NEK7: variants seen among roughly 807,000 people sequenced by gnomAD.
NEK7 encodes the protein serine/threonine-protein kinase Nek7.
In NEK7, 18 loss-of-function variants were observed where a neutral mutation model predicts 44.6. That is an observed-to-expected ratio of 0.40 (90% CI 0.28 to 0.60). The LOEUF is 0.60. Among genes scored for constraint, NEK7 ranks in the 20% least tolerant of loss-of-function variants. The probability of loss-of-function intolerance (pLI) is 0.38; values close to 1 mark genes in which losing one functional copy is unlikely to be tolerated. For missense variants in NEK7, 256 were observed against 366.5 expected, an observed-to-expected ratio of 0.70 and a Z score of 2.46; for synonymous variants, 130 against 121.1, an observed-to-expected ratio of 1.07 and a Z score of -0.48.
Position 198,253,050 on chromosome 1 carries a change from G to T in NEK7, c.68G>T (p.Arg23Leu), listed in dbSNP as rs1013083415. 3 of 1,604,896 alleles carry T rather than the reference G, an allele frequency of 1.9e-6. No individual in the cohort carries two copies. The highest frequency in any genetic ancestry group is 1.7e-5 in the Admixed American group (1 of 58,548). The change falls in exon 3 of 10, where the codon CGA becomes CTA. Residue 23 changes from arginine to leucine, a missense_variant. This residue lies in a region of NEK7 where 96 missense variants were observed against 94.9 expected (regional missense o/e 1.01). Coordinates refer to ENST00000367385, the MANE Select transcript of NEK7 (RefSeq NM_133494.3). ...VPQFQPQKALRPDMGYNTLAN... is the reference protein window; with the variant it reads ...VPQFQPQKALLPDMGYNTLAN... ...CATTTTTAATTACAGAAGGCCTTAC[G>T]ACCGGATATGGGCTATAATACATTA...
rs71569584 is a variant in NEK7 at position 198,217,415 on chromosome 1, C to CAAAT, written c.-28-15138_-28-15137insAAAT. ...ATCTCCTTATGATAAAAACCCTCAA[C>CAAAT]TAGGCATAAAGAAACATACCTCAAA... is the stretch of plus-strand genomic sequence containing the variant. On this transcript the variant is annotated intron_variant, in intron 1 of 9. Coordinates refer to ENST00000367385, the MANE Select transcript of NEK7 (RefSeq NM_133494.3). Among the ~76,000 whole-genome samples, 74 of 151,646 alleles carry CAAAT rather than the reference C, an allele frequency of 4.9e-4. 1 individual carries two copies. The highest frequency in any genetic ancestry group is 1.6e-3 in the African/African-American group (66 of 41,394).
chr1:198,196,548 A>G (rs993851261), intron 1 of NEK7, among the ~76,000 whole-genome samples: 4 of 152,202 alleles, frequency 2.6e-5, no homozygotes, highest in African/African-American at 9.6e-5. Context: ...TTTTTCTCAC[A>G]TAATGAGAAA....
chr1:198,310,757 G>A (rs180836522), intron 9 of NEK7, among the ~76,000 whole-genome samples: 6 of 151,946 alleles, frequency 3.9e-5, no homozygotes, highest in Non-Finnish European at 8.8e-5. Flanking sequence ...GTAGATACGT[G>A]GCATTATTTC....
At chr1:198,184,084 T>G (rs564236584) in intron 1 of NEK7, among the ~76,000 whole-genome samples, 16 of 152,318 alleles carry the variant, frequency 1.1e-4, no homozygotes, top group Middle Eastern at 3.4e-3. Context: ...TATAATGAGA[T>G]TTGTACATGC....
chr1:198,168,998 T>C (rs1305542922), intron 1 of NEK7, among the ~76,000 whole-genome samples: 1 of 152,238 alleles, frequency 6.6e-6, no homozygotes, highest in Non-Finnish European at 1.5e-5. Context: ...TTTGAAAAGA[T>C]TATTCTGAGA....
chr1:198,186,959 G>C (rs756343935), intron 1 of NEK7, among the ~76,000 whole-genome samples: 1 of 152,150 alleles, frequency 6.6e-6, no homozygotes, highest in African/African-American at 2.4e-5. Flanking sequence ...TACATATCTT[G>C]GTCAGCCAGC....
At chr1:198,249,109 C>G (rs1394847872) in intron 2 of NEK7, among the ~76,000 whole-genome samples, 1 of 139,818 alleles carries the variant, frequency 7.2e-6, no homozygotes, top group African/African-American at 2.7e-5. Flanking sequence ...TCTCATTGTT[C>G]AATTCCTACC....
chr1:198,183,155 C>T (rs56258108), intron 1 of NEK7, among the ~76,000 whole-genome samples: 7,043 of 152,284 alleles, frequency 0.046, 262 homozygotes, highest in Middle Eastern at 0.071. Flanking sequence ...AATGAAAAAT[C>T]AACCCTATAA....
At chr1:198,292,334 A>G (rs1654584669) in intron 7 of NEK7, among the ~76,000 whole-genome samples, 2 of 152,058 alleles carry the variant, frequency 1.3e-5, no homozygotes, top group Non-Finnish European at 2.9e-5. Context: ...AGTAGTAACA[A>G]TAACTCAAGA....
intron 5 of NEK7, among the ~76,000 whole-genome samples, chr1:198,267,243 T>C (rs1272005918): frequency 6.6e-6 from 1 of 151,922 alleles, no homozygotes; most frequent in Admixed American, 6.6e-5. Context: ...TAAACATATT[T>C]ACATGTATAT....
At chr1:198,164,173 T>C (rs1571493217) in intron 1 of NEK7, among the ~76,000 whole-genome samples, 1 of 152,222 alleles carries the variant, frequency 6.6e-6, no homozygotes, top group Non-Finnish European at 1.5e-5. Flanking sequence ...CTAATCACTT[T>C]TTTTAAGTGG....
intron 2 of NEK7, among the ~76,000 whole-genome samples, chr1:198,236,029 TCTGTGGAGTGA>T (rs1347652610): frequency 6.6e-6 from 1 of 152,184 alleles, no homozygotes; most frequent in Admixed American, 6.5e-5. Flanking sequence ...ATTTTGCATC[TCTGTGGAGTGA>T]CTGTGGAGGG....
At chr1:198,256,833 C>G (rs181313178) in intron 3 of NEK7, among the ~76,000 whole-genome samples, 26 of 152,244 alleles carry the variant, frequency 1.7e-4, no homozygotes, top group Admixed American at 1.6e-3. Context: ...TCAAAACTTA[C>G]GTTCTTTATG....
intron 1 of NEK7, among the ~76,000 whole-genome samples, chr1:198,178,496 G>T (rs1342565019): frequency 1.3e-5 from 2 of 152,018 alleles, no homozygotes; most frequent in Admixed American, 6.6e-5. Flanking sequence ...CAAGATAATA[G>T]AAATTCTGTA....
intron 1 of NEK7, among the ~76,000 whole-genome samples, chr1:198,180,267 A>G (rs1664728168): frequency 6.6e-6 from 1 of 151,998 alleles, no homozygotes; most frequent in African/African-American, 2.4e-5. Context: ...TGCATCATAG[A>G]GAAAATTAAT....
chr1:198,297,449 A>G (rs574534692), intron 9 of NEK7, among the ~76,000 whole-genome samples: 25 of 152,350 alleles, frequency 1.6e-4, no homozygotes, highest in Non-Finnish European at 3.2e-4. Flanking sequence ...ACAACACAGC[A>G]TGTGGTGTAA....
At chr1:198,197,869 C>G (rs1481765705) in intron 1 of NEK7, 1 of 963,798 alleles carries the variant, frequency 1.0e-6, no homozygotes, top group African/African-American at 1.6e-5. Context: ...TCATTTTCAT[C>G]TGCATCTTCT....
Position 198,292,981 on chromosome 1 carries a change from A to G in NEK7, c.626A>G (p.His209Arg). ...TPYYMSPERIHENGYNFKSDI... is the reference protein window; with the variant it reads ...TPYYMSPERIRENGYNFKSDI... ...TATTACATGTCTCCAGAGAGAATAC[A>G]TGAAAATGGATACAACTTCAAATCT... The change falls in exon 8 of 10, where the codon CAT becomes CGT. Residue 209 changes from histidine to arginine, a missense_variant. This residue lies in a region of NEK7 where 102 missense variants were observed against 205.2 expected (regional missense o/e 0.50). Coordinates refer to ENST00000367385, the MANE Select transcript of NEK7 (RefSeq NM_133494.3). The G allele has an allele frequency of 6.2e-7, 1 of 1,602,172 alleles. No homozygotes were observed. Among genetic ancestry groups the G allele is most frequent in the Non-Finnish European group, 8.5e-7 (1 of 1,169,596 alleles).
At chr1:198,306,748 C>T (rs1301501719) in intron 9 of NEK7, among the ~76,000 whole-genome samples, 1 of 152,076 alleles carries the variant, frequency 6.6e-6, no homozygotes, top group Non-Finnish European at 1.5e-5. Context: ...AAAACTTAGT[C>T]TGTGGTTGTT....
Sources: gnomAD v4.1 joint callset for allele counts (sites outside exome capture counted in the v4.1 genomes callset) on GRCh38, gnomAD v4.1.1 for gene constraint, gnomAD v4.1.1 regional missense constraint, MANE v1.5 for transcripts, NCBI Gene and HGNC (gene_info 2026-07-23, HGNC 2026-07-21) for gene names.